BAZ1B: variants seen among roughly 807,000 people sequenced by gnomAD.
BAZ1B encodes tyrosine-protein kinase BAZ1B.
In BAZ1B, 22 loss-of-function variants were observed where a neutral mutation model predicts 153.8. The observed-to-expected ratio is 0.14, with a 90% confidence interval of 0.10 to 0.20. The LOEUF (loss-of-function observed/expected upper bound fraction) is 0.20, where lower values mean the gene tolerates loss of function less well. BAZ1B is among the 10% of genes least tolerant of loss of function. The probability of loss-of-function intolerance (pLI) is 1.00; values close to 1 mark genes in which losing one functional copy is unlikely to be tolerated. For missense variants in BAZ1B, 1,325 were observed against 1,799.3 expected (o/e 0.74, Z 4.77); for synonymous variants, 676 against 633.4 (o/e 1.07, Z -1.01).
intron 1 of BAZ1B, 24 bp downstream of exon 1, chr7:73,521,803 G>A (rs1554580262): frequency 3.4e-6 from 5 of 1,482,276 alleles, no homozygotes; most frequent in Non-Finnish European, 2.7e-6. Flanking sequence ...GCCCAGCCCG[G>A]CCCGCGCGGC....
Position 73,464,923 on chromosome 7 carries a change from G to A in BAZ1B, c.3071+516C>T, listed in dbSNP as rs1311345529. Among the ~76,000 whole-genome samples the A allele has an allele frequency of 3.3e-5, 5 of 151,284 alleles. No individual in the cohort carries two copies. The South Asian group carries it at 6.2e-4, about 19-fold the overall frequency. On this transcript the variant is annotated intron_variant, in intron 11 of 19. Transcript: ENST00000339594. ...TGTTTTGTTTTTTTTTTTCAGAAAC[G>A]GAGTTTCCCTATGTTGCCCAGGCTG...
chr7:73,478,191 G>A lies in BAZ1B; in HGVS notation c.1270C>T (p.Pro424Ser), dbSNP rs782432522. The A allele has an allele frequency of 1.9e-6, 3 of 1,613,740 alleles. No individual in the cohort carries two copies. Among genetic ancestry groups the A allele is most frequent in the South Asian group, 2.2e-5 (2 of 91,006 alleles). The change falls in exon 7 of 20, where the codon CCC (proline) becomes TCC (serine). Residue 424 changes from proline (P) to serine (S), a missense_variant. Transcript: ENST00000339594. ...GQKSTGNSKS[P>S]KKGLKTPKTK... ...TTAGGAGTCTTCAGTCCTTTTTTGG[G>A]AGATTTGGAATTCCCTGTGGATTTC...
chr7:73,491,295 A>T (rs1169822725), intron 5 of BAZ1B, among the ~76,000 whole-genome samples: 3 of 151,962 alleles, frequency 2.0e-5, no homozygotes, highest in African/African-American at 7.2e-5. Flanking sequence ...CAAAAAAGAC[A>T]AAAAAACAAA....
chr7:73,442,608 CCA>C, intron 18 of BAZ1B, 55 bp from the exon 19 acceptor site: 1 of 1,561,344 alleles, frequency 6.4e-7, no homozygotes, highest in Non-Finnish European at 8.7e-7. Flanking sequence ...AGTGCCCCTG[CCA>C]CTGAGACACG....
At chr7:73,442,649 C>T in intron 18 of BAZ1B, 76 bp downstream of exon 18, 1 of 1,554,528 alleles carries the variant, frequency 6.4e-7, no homozygotes, top group Non-Finnish European at 8.7e-7. Flanking sequence ...TGGCTGAGAG[C>T]CCCTCAGGGG....
At chr7:73,471,053 A>G (rs899635838) in intron 7 of BAZ1B, among the ~76,000 whole-genome samples, 4 of 152,210 alleles carry the variant, frequency 2.6e-5, no homozygotes, top group African/African-American at 9.7e-5. Context: ...ACTTCTTAAT[A>G]TATTTTAAAC....
intron 2 of BAZ1B, among the ~76,000 whole-genome samples, chr7:73,510,413 C>G (rs368444370): frequency 6.6e-6 from 1 of 152,010 alleles, no homozygotes; most frequent in Non-Finnish European, 1.5e-5. Flanking sequence ...TGGGCGAGAG[C>G]GAGATTCCGT....
intron 9 of BAZ1B, among the ~76,000 whole-genome samples, chr7:73,466,864 C>CATAG (rs1265715436): frequency 6.6e-6 from 1 of 152,172 alleles, no homozygotes; most frequent in East Asian, 1.9e-4. Context: ...GTGACTTTAA[C>CATAG]ATAGATATAT....
chr7:73,489,486 A>C (rs1328106149), intron 5 of BAZ1B, 95 bp from the exon 6 acceptor site: 7 of 1,260,160 alleles, frequency 5.6e-6, no homozygotes, highest in Non-Finnish European at 7.9e-6. Flanking sequence ...AAAAATCAAA[A>C]TTCCATCTAT....
intron 16 of BAZ1B, among the ~76,000 whole-genome samples, chr7:73,444,832 T>C (rs574588702): frequency 5.3e-5 from 8 of 152,190 alleles, no homozygotes; most frequent in Non-Finnish European, 8.8e-5. Context: ...CTGACCAACA[T>C]GGTGAAACCC....
chr7:73,513,842 A>C (rs1251986222), intron 1 of BAZ1B, among the ~76,000 whole-genome samples: 3 of 152,158 alleles, frequency 2.0e-5, no homozygotes, highest in African/African-American at 7.2e-5. Context: ...AACCAGCCTG[A>C]ACATAGCGAC....
At chr7:73,451,160 C>A (rs956482252) in intron 13 of BAZ1B, among the ~76,000 whole-genome samples, 166 bp from the exon 14 acceptor site, 3 of 152,204 alleles carry the variant, frequency 2.0e-5, no homozygotes, top group African/African-American at 7.2e-5. Flanking sequence ...GGGAAAAAAA[C>A]TTGCCAAAGG....
chr7:73,483,130 T>C (rs554395132), intron 6 of BAZ1B, among the ~76,000 whole-genome samples: 1 of 152,322 alleles, frequency 6.6e-6, no homozygotes, highest in South Asian at 2.1e-4. Flanking sequence ...GAAAAAAATA[T>C]TTATGACTGT....
At chr7:73,490,793 T>C (rs1402257068) in intron 5 of BAZ1B, among the ~76,000 whole-genome samples, 3 of 151,344 alleles carry the variant, frequency 2.0e-5, no homozygotes, top group East Asian at 2.0e-4. Flanking sequence ...TTAGTAGAGA[T>C]GGGGTTTCTC....
chr7:73,457,611 C>T (rs1372860419), intron 13 of BAZ1B, among the ~76,000 whole-genome samples: 4 of 152,148 alleles, frequency 2.6e-5, no homozygotes, highest in East Asian at 1.9e-4. Context: ...GGTCCTTCTC[C>T]GCAGACTAAA....
Position 73,476,950 on chromosome 7 carries a change from G to C in BAZ1B, c.2511C>G (p.Asp837Glu). 1 of 1,614,070 alleles carries C rather than the reference G, an allele frequency of 6.2e-7. No individual in the cohort carries two copies. Among genetic ancestry groups the C allele is most frequent in the Non-Finnish European group, 8.5e-7 (1 of 1,180,036 alleles). The part of the protein sequence containing the change: ...FEPQVDTEAE[D>E]MISAVKSRRL... ...TTCTGCTCTTCACAGCACTAATCAT[G>C]TCTTCAGCTTCTGTATCTACTTGGG... Residue 837 changes from aspartate to glutamate, a missense_variant, in exon 7 of 20, where the codon GAC (aspartate) becomes GAG (glutamate). Asp to Glu is a conservative substitution (Grantham distance 45). Around this residue, in one of 9 missense-constraint regions of BAZ1B, gnomAD observed 431 missense variants for 563.5 expected, o/e 0.76. Transcript: ENST00000339594.
intron 4 of BAZ1B, among the ~76,000 whole-genome samples, chr7:73,497,198 G>A (rs782486675): frequency 2.7e-5 from 4 of 149,494 alleles, no homozygotes; most frequent in African/African-American, 4.9e-5. Flanking sequence ...AGCCATGATC[G>A]TACCACTGCA....
chr7:73,466,339 C>T lies in BAZ1B; in HGVS notation c.2929G>A (p.Val977Ile). The change falls in exon 10 of 20, where the codon GTT becomes ATT. Residue 977 changes from valine to isoleucine, a missense_variant. Transcript: ENST00000339594. ...MNTQHGTATE[V>I]AVETTTPKQG... ...TTGGGTGTGGTTGTCTCTACAGCAACTTCTGTTGCTGTTCCATGTTGTGTG... is the reference window on the plus strand; with the variant it reads ...TTGGGTGTGGTTGTCTCTACAGCAATTTCTGTTGCTGTTCCATGTTGTGTG... The T allele has an allele frequency of 1.2e-6, 2 of 1,614,012 alleles. No individual in the cohort carries two copies. The highest frequency in any genetic ancestry group is 8.5e-7 in the Non-Finnish European group (1 of 1,179,916).
At position 73,450,598 on chromosome 7, in the gene BAZ1B, T is replaced by TA. The variant is rs1554567981; in HGVS notation, c.3580+248dup. ...AAGGATTAACTAATTTTGTTTTCTG[T>TA]AAAAAATCAGAAGATTGAAGAGATC... On this transcript the variant is annotated intron_variant, in intron 14 of 19. Coordinates refer to ENST00000339594, the MANE Select transcript of BAZ1B (RefSeq NM_032408.4). This position sits in a 1 kb window ranked among gnomAD's most constrained non-coding sequence, Gnocchi z 4.1. Among the ~76,000 whole-genome samples, 1 of 152,154 alleles carries TA rather than the reference T, an allele frequency of 6.6e-6. No individual in the cohort carries two copies. The highest frequency in any genetic ancestry group is 1.5e-5 in the Non-Finnish European group (1 of 68,026).
Sources: gnomAD v4.1 joint callset for allele counts (sites outside exome capture counted in the v4.1 genomes callset) on GRCh38, gnomAD v4.1.1 for gene constraint, gnomAD v4.1.1 regional missense constraint, Gnocchi (gnomAD v3.1) non-coding constraint, MANE v1.5 for transcripts, NCBI Gene and HGNC (gene_info 2026-07-23, HGNC 2026-07-21) for gene names.